Variants in FSCN2 observed in about 807,000 individuals in gnomAD.
FSCN2 encodes the protein fascin-2.
Under a neutral mutation model 37.8 loss-of-function variants are expected in FSCN2, and 46 were observed. The observed-to-expected ratio is 1.22, with a 90% CI of 0.96 to 1.56. The LOEUF (loss-of-function observed/expected upper bound fraction) is 1.56. Among genes scored for constraint, FSCN2 ranks in the 40% most tolerant of loss-of-function variants. The probability of loss-of-function intolerance (pLI) is 0.00; values close to 1 mark genes in which losing one functional copy is unlikely to be tolerated. For synonymous variants in FSCN2, 351 were observed against 309.4 expected (o/e 1.13, Z -1.41); for missense variants, 844 against 730.4 (o/e 1.16, Z -1.79).
At chr17:81,529,635 G>T in intron 1 of FSCN2, 2 of 679,804 alleles carry the variant, frequency 2.9e-6, no homozygotes, top group Non-Finnish European at 5.5e-6. Flanking sequence ...TCTCAGCCAA[G>T]CCCTGGGCAG....
At chr17:81,535,258 C>CCAT (rs1279109383) in intron 2 of FSCN2, 50 bp downstream of exon 2, 1 of 1,336,548 alleles carries the variant, frequency 7.5e-7, no homozygotes, top group African/African-American at 1.5e-5. Context: ...CCCACCATCA[C>CCAT]CATCCCCATC....
upstream of FSCN2, among the ~76,000 whole-genome samples, chr17:81,528,100 G>A (rs1310862744): frequency 6.6e-6 from 1 of 152,220 alleles, no homozygotes; most frequent in East Asian, 1.9e-4. Context: ...GGGGTTGGAG[G>A]AGGGGGGCAG....
chr17:81,523,177 C>T, the FSCN2 span, among the ~76,000 whole-genome samples: 2 of 152,202 alleles, frequency 1.3e-5, no homozygotes, highest in Non-Finnish European at 2.9e-5. Flanking sequence ...AGCAGCCAGC[C>T]GTGAACCCCA....
At chr17:81,522,983 C>T in the FSCN2 span, among the ~76,000 whole-genome samples, 1 of 152,216 alleles carries the variant, frequency 6.6e-6, no homozygotes, top group Non-Finnish European at 1.5e-5. Flanking sequence ...CTTCTGCCCT[C>T]GGGGTCCCTT....
chr17:81,532,345 T>A (rs543925685), intron 1 of FSCN2, among the ~76,000 whole-genome samples: 3 of 143,374 alleles, frequency 2.1e-5, no homozygotes, highest in Admixed American at 6.8e-5. Flanking sequence ...GTGATGATGA[T>A]GATAGTGATG....
upstream of FSCN2, among the ~76,000 whole-genome samples, chr17:81,526,206 C>T (rs1035426550): frequency 6.6e-6 from 1 of 152,248 alleles, no homozygotes; most frequent in Non-Finnish European, 1.5e-5. Flanking sequence ...GCCTGGGCTC[C>T]TCCTCAGCCT....
At chr17:81,536,334 ACACCCCATCTCCAC>A in intron 3 of FSCN2, 67 bp downstream of exon 3, 2 of 1,535,720 alleles carry the variant, frequency 1.3e-6, no homozygotes, top group Non-Finnish European at 8.8e-7. Flanking sequence ...ACCTGCCCAG[ACACCCCATCTCCAC>A]CAAGAGCTGG....
chr17:81,531,822 A>ATGG (rs1158027952), intron 1 of FSCN2, among the ~76,000 whole-genome samples: 1 of 112,268 alleles, frequency 8.9e-6, no homozygotes, highest in Non-Finnish European at 1.8e-5. Context: ...GGTGGTGGTG[A>ATGG]TGGTGGTGGT....
In FSCN2 at chr17:81,535,092, C is replaced by T. The variant is rs368687488; in HGVS notation, c.867C>T (p.His289=). Residue 289 remains histidine, a synonymous_variant, in exon 2 of 5, where the codon CAC becomes CAT. Coordinates refer to ENST00000417245, the MANE Select transcript of FSCN2 (RefSeq NM_012418.4). Reference sequence around the variant, plus strand: ...CCAATCAGGATGATGAACTAGACCACGAGACCTTCCTGATGCAAATTGACC... The same window carrying T: ...CCAATCAGGATGATGAACTAGACCATGAGACCTTCCTGATGCAAATTGACC... ...VSANQDDELD[H]ETFLMQIDQE... The T allele has an allele frequency of 6.5e-5, 99 of 1,533,706 alleles. 1 individual carries two copies. The African/African-American group carries it at 7.7e-4, about 12-fold the overall frequency.
chr17:81,517,945 A>AC, the FSCN2 span, among the ~76,000 whole-genome samples: 1 of 152,258 alleles, frequency 6.6e-6, no homozygotes, highest in African/African-American at 2.4e-5. Flanking sequence ...GTCCCAGGCC[A>AC]CAGCCTGCCT....
rs2032801471 is a variant in FSCN2, at chr17:81,535,010, C to T, written c.827-42C>T. 2.0e-6 allele frequency: 3 copies of T among 1,475,774 alleles called. No individual in the cohort carries two copies. In the East Asian group the frequency reaches 7.8e-5, roughly 38 times the overall value. 91.4% of individuals were successfully genotyped at this position (1,475,774 alleles called of 1,614,324 possible). On this transcript the variant is annotated intron_variant, in intron 1 of 4. Coordinates refer to ENST00000417245, the MANE Select transcript of FSCN2 (RefSeq NM_012418.4). ...AATATGCCCCCTCCCCTGCTCCCTA[C>T]CCAGGAGAGGCGTGAGGGGCTTCCC... is the stretch of plus-strand genomic sequence containing the variant.
intron 1 of FSCN2, among the ~76,000 whole-genome samples, chr17:81,532,587 A>T (rs1317636707): frequency 1.4e-5 from 2 of 141,084 alleles, no homozygotes; most frequent in Admixed American, 1.4e-4. Context: ...GATGATAGTG[A>T]TGGTGATGGT....
upstream of FSCN2, chr17:81,528,359 AGGCTGCTGCCGCG>A (rs1476151981): frequency 1.7e-6 from 1 of 595,052 alleles, no homozygotes; most frequent in Non-Finnish European, 3.0e-6. Flanking sequence ...AGAGCTGCCC[AGGCTGCTGCCGCG>A]GGTCAGAGGC....
At position 81,528,741 on chromosome 17, in the gene FSCN2, G is replaced by A. The variant is rs199599072; in HGVS notation, c.210G>A (p.Ser70=). The A allele has an allele frequency of 1.6e-5, 25 of 1,592,872 alleles. No homozygotes were observed. Among genetic ancestry groups the A allele is most frequent in the Middle Eastern group, 3.3e-4 (2 of 6,032 alleles). ...GCAGCCACCTGGGCCGCTACCTGTC[G>A]GCAGAAGAGGACGGGCGCGTGGCCT... ...LRSSHLGRYL[S]AEEDGRVACE... Residue 70 remains serine (S), a synonymous_variant, in exon 1 of 5, where the codon TCG becomes TCA. Transcript: ENST00000417245.
In FSCN2 at chr17:81,536,616, C is replaced by T. The variant is rs11870517; in HGVS notation, c.1106-6C>T. 1,607 of 1,608,210 alleles carry T rather than the reference C, an allele frequency of 1.0e-3. 16 individuals are homozygous for T. In the African/African-American group the frequency reaches 0.018, roughly 18 times the overall value. On this transcript the variant is annotated splice_polypyrimidine_tract_variant and splice_region_variant and intron_variant, in intron 3 of 4. Coordinates refer to ENST00000417245, the MANE Select transcript of FSCN2 (RefSeq NM_012418.4). ...GGGGCAGCGCAGCAGACGCTCTCCC[C>T]GCCAGGCAAGGACGAAGAGTTCACC...
Position 81,537,084 on chromosome 17 carries a change from CG to C in FSCN2, c.*5del. On this transcript the variant is annotated 3_prime_UTR_variant, in exon 5 of 5. Transcript: ENST00000417245. Reference sequence around the variant, plus strand: ...GACCGCGCTTTGGGAGTACTGAGGCCGCGCCCAGACCAGCCTGTCGCGCATT... The same window carrying C: ...GACCGCGCTTTGGGAGTACTGAGGCCCGCCCAGACCAGCCTGTCGCGCATT... 7.0e-7 allele frequency: 1 copy of C among 1,431,892 alleles called. No individual in the cohort carries two copies. The highest frequency in any genetic ancestry group is 1.4e-5 in the South Asian group (1 of 69,702). 88.7% of individuals were successfully genotyped at this position (1,431,892 alleles called of 1,614,324 possible). A position where few individuals can be genotyped will look rare whatever the true frequency, so the allele number is the denominator to read the frequency against.
chr17:81,536,460 G>C (rs1193958536), intron 3 of FSCN2, 162 bp from the exon 4 acceptor site: 3 of 1,498,998 alleles, frequency 2.0e-6, no homozygotes, highest in South Asian at 1.2e-5. Flanking sequence ...CCTTATCTCC[G>C]CTGCTGGGAA....
intron 1 of FSCN2, among the ~76,000 whole-genome samples, chr17:81,531,312 GTGGTGA>G (rs1568077099): frequency 4.3e-4 from 26 of 59,956 alleles, no homozygotes; most frequent in Middle Eastern, 0.019. Context: ...GATGGTGGTG[GTGGTGA>G]TGATGGTGGT....
intron 1 of FSCN2, chr17:81,529,612 T>G: frequency 4.2e-6 from 3 of 707,114 alleles, no homozygotes; most frequent in Non-Finnish European, 5.3e-6. Context: ...TTTCTCAGCA[T>G]AGCTGGAGAA....
Sources: allele counts gnomAD v4.1 joint callset (sites outside exome capture counted in the v4.1 genomes callset), GRCh38; gene constraint gnomAD v4.1.1; transcripts MANE v1.5; gene names NCBI Gene and HGNC (gene_info 2026-07-23, HGNC 2026-07-21).